Variants in CKAP5 observed in about 807,000 individuals in gnomAD.
CKAP5 encodes cytoskeleton associated protein 5.
Under a neutral mutation model 232.8 loss-of-function variants are expected in CKAP5, and 27 were observed. The ratio of observed to expected loss-of-function variants is 0.12; its 90% CI spans 0.09 to 0.16. The LOEUF is 0.16. CKAP5 is among the 10% of genes least tolerant of loss of function. CKAP5 has a pLI of 1.00. For synonymous variants in CKAP5, 785 were observed against 841.1 expected (o/e 0.93, Z 1.16); for missense variants, 1,838 against 2,424.7 (o/e 0.76, Z 5.08).
chr11:46,809,908 G>A, intron 5 of CKAP5, 34 bp from the exon 6 acceptor site: 2 of 1,572,260 alleles, frequency 1.3e-6, no homozygotes, highest in Non-Finnish European at 1.7e-6. Context: ...AATAATATCT[G>A]CATCTCCACC....
chr11:46,820,937 T>C lies in CKAP5; in HGVS notation c.57+238A>G, dbSNP rs1264481655. 10 of 464,764 alleles carry C rather than the reference T, an allele frequency of 2.2e-5. No homozygotes were observed. The Middle Eastern group carries it at 1.8e-3, about 83-fold the overall frequency. 28.8% of individuals were successfully genotyped at this position (464,764 alleles called of 1,614,324 possible). A position where few individuals can be genotyped will look rare whatever the true frequency, so the allele number is the denominator to read the frequency against. On this transcript the variant is annotated intron_variant, in intron 2 of 43. Transcript: ENST00000529230. ...GAAAAAACTAGCCAGTTACTTTTCA[T>C]AGATACCACTTACTTTTCACTTCAC...
chr11:46,844,221 TA>T lies in CKAP5; in HGVS notation c.-38+1998del, dbSNP rs1162075349. Among the ~76,000 whole-genome samples the T allele has an allele frequency of 8.6e-3, 1,157 of 135,214 alleles. 2 individuals carry two copies. The highest frequency in any genetic ancestry group is 0.017 in the African/African-American group (613 of 37,100). 88.7% of individuals were successfully genotyped at this position (135,214 alleles called of 152,430 possible). ...TGGGCGAAAGAGCAAGACTCTGTCT[TA>T]AAAAAAAAAAAAAAGGAAAAGAAAG... On this transcript the variant is annotated intron_variant, in intron 1 of 43. Coordinates refer to ENST00000529230, the MANE Select transcript of CKAP5 (RefSeq NM_001008938.4).
chr11:46,749,323 C>G (rs898933739), intron 42 of CKAP5, among the ~76,000 whole-genome samples: 1 of 151,628 alleles, frequency 6.6e-6, no homozygotes, highest in African/African-American at 2.4e-5. Context: ...GGTGTGGTGG[C>G]ACCCGCCTGT....
chr11:46,794,858 C>T (rs1938831950), intron 13 of CKAP5, among the ~76,000 whole-genome samples: 1 of 151,876 alleles, frequency 6.6e-6, no homozygotes, highest in Non-Finnish European at 1.5e-5. Context: ...AAAATAAAAA[C>T]AAAGTAGTCA....
At chr11:46,808,581 C>T (rs1939208087) in intron 7 of CKAP5, among the ~76,000 whole-genome samples, 2 of 152,046 alleles carry the variant, frequency 1.3e-5, no homozygotes, top group Admixed American at 1.3e-4. Flanking sequence ...ACTGTGGAGG[C>T]AATCAGAACA....
chr11:46,817,063 G>A (rs187299698), intron 3 of CKAP5, among the ~76,000 whole-genome samples: 45 of 150,630 alleles, frequency 3.0e-4, no homozygotes, highest in Admixed American at 1.5e-3. Context: ...CCAAGATCGC[G>A]CCATTGCACT....
chr11:46,763,269 C>A, intron 29 of CKAP5, 90 bp from the exon 30 acceptor site: 1 of 1,172,478 alleles, frequency 8.5e-7, no homozygotes, highest in East Asian at 2.4e-5. Flanking sequence ...TTTATTGGAG[C>A]CCAAAAAGAA....
rs1000248233 is a variant in CKAP5, at chr11:46,762,840, G to T, written c.3892-78C>A. ...ATTCTCCCATGCATTACTATGTTTT[G>T]AAAGAATAGGGAAATAGGGATAAGT... On this transcript the variant is annotated intron_variant, in intron 30 of 43. Transcript: ENST00000529230. The T allele has an allele frequency of 6.6e-6, 10 of 1,509,372 alleles. No homozygotes were observed. The African/African-American group carries it at 9.6e-5, about 15-fold the overall frequency. The allele number at this position is 1,509,372 out of a possible 1,614,324, so 93.5% of individuals were successfully genotyped here.
Position 46,767,643 on chromosome 11 carries a change from A to C in CKAP5, c.3343T>G (p.Ser1115Ala). ...PASAPAEDCI[S>A]SSTEPKPDPK... Reference sequence around the variant, plus strand: ...TCAGGTTTGGGTTCTGTACTGCTGGAAATACAATCTTCAGCAGGTGCTTTG... The same window carrying C: ...TCAGGTTTGGGTTCTGTACTGCTGGCAATACAATCTTCAGCAGGTGCTTTG... The change falls in exon 27 of 44, where the codon TCC becomes GCC. Residue 1115 changes from serine to alanine, a missense_variant. By Grantham distance (99) the Ser-to-Ala change is moderately conservative. Around this residue, in one of 6 missense-constraint regions of CKAP5, gnomAD observed 767 missense variants for 954.6 expected, o/e 0.80. Coordinates refer to ENST00000529230, the MANE Select transcript of CKAP5 (RefSeq NM_001008938.4). 6.2e-7 allele frequency: 1 copy of C among 1,610,102 alleles called. No individual in the cohort carries two copies. The highest frequency in any genetic ancestry group is 8.5e-7 in the Non-Finnish European group (1 of 1,177,736).
At chr11:46,818,612 G>C (rs1939459947) in intron 2 of CKAP5, 109 bp from the exon 3 acceptor site, 1 of 806,048 alleles carries the variant, frequency 1.2e-6, no homozygotes, top group African/African-American at 1.8e-5. Context: ...CCTATGTCAG[G>C]TAATGTAAAC....
chr11:46,811,058 T>C lies in CKAP5; in HGVS notation c.579A>G (p.Arg193=), dbSNP rs773549013. Residue 193 remains arginine (R), a synonymous_variant, in exon 5 of 44, where the codon AGA becomes AGG. Transcript: ENST00000529230. ...EAKLIAVEIY[R]WIRDALRPPL... ...GGGGTCTCAGAGCATCCCGAATCCA[T>C]CTGTAAATCTCCACAGCAATTAGTT... is the stretch of plus-strand genomic sequence containing the variant. 11 of 1,613,980 alleles carry C rather than the reference T, an allele frequency of 6.8e-6. No individual in the cohort carries two copies. Among genetic ancestry groups the C allele is most frequent in the South Asian group, 1.1e-5 (1 of 91,078 alleles).
intron 4 of CKAP5, among the ~76,000 whole-genome samples, chr11:46,815,488 G>A (rs2134681819): frequency 6.6e-6 from 1 of 151,962 alleles, no homozygotes; most frequent in Middle Eastern, 3.4e-3. Context: ...TAGTGGCAGG[G>A]GTCTTGCCAT....
chr11:46,818,640 G>C (rs1372348781), intron 2 of CKAP5, 137 bp from the exon 3 acceptor site: 1 of 590,794 alleles, frequency 1.7e-6, no homozygotes, highest in East Asian at 3.2e-5. Context: ...CCCATGACTA[G>C]AAATGAAAAA....
chr11:46,823,298 C>T (rs59197251), intron 1 of CKAP5, among the ~76,000 whole-genome samples: 22,544 of 152,016 alleles, frequency 0.15, 2,544 homozygotes, highest in African/African-American at 0.32. Context: ...GTGTAAACTG[C>T]AGAAAATTTA....
chr11:46,773,804 A>G (rs965952334), intron 24 of CKAP5, among the ~76,000 whole-genome samples: 1 of 152,098 alleles, frequency 6.6e-6, no homozygotes, highest in Non-Finnish European at 1.5e-5. Flanking sequence ...CGGCCTCCCA[A>G]AGTGCTGGGA....
At chr11:46,811,695 TG>T (rs1473403376) in intron 4 of CKAP5, among the ~76,000 whole-genome samples, 2 of 152,160 alleles carry the variant, frequency 1.3e-5, no homozygotes, top group Non-Finnish European at 2.9e-5. Flanking sequence ...CAGGCTGGTC[TG>T]GAACTCCTGA....
chr11:46,792,886 T>C (rs536952069), intron 13 of CKAP5, among the ~76,000 whole-genome samples: 18 of 152,078 alleles, frequency 1.2e-4, no homozygotes, highest in African/African-American at 3.6e-4. Flanking sequence ...AAGGAGAAAA[T>C]AGCTGCCGAT....
intron 1 of CKAP5, among the ~76,000 whole-genome samples, chr11:46,845,421 A>G (rs1348296518): frequency 6.6e-6 from 1 of 152,180 alleles, no homozygotes; most frequent in African/African-American, 2.4e-5. Flanking sequence ...TCTAACACAC[A>G]CTAGCCACTC....
chr11:46,839,690 C>T (rs562943782), intron 1 of CKAP5, among the ~76,000 whole-genome samples: 9 of 152,258 alleles, frequency 5.9e-5, no homozygotes, highest in African/African-American at 1.7e-4. Flanking sequence ...CCCTACTTCA[C>T]GTAGTACAAT....
Sources: allele counts gnomAD v4.1 joint callset (sites outside exome capture counted in the v4.1 genomes callset), GRCh38; gene constraint gnomAD v4.1.1; regional missense constraint gnomAD v4.1.1; transcripts MANE v1.5; gene names NCBI Gene and HGNC (gene_info 2026-07-23, HGNC 2026-07-21).